Variants in SYT1 observed in about 807,000 individuals in gnomAD.
The protein encoded by SYT1 is synaptotagmin-1.
SYT1 carries 8 observed loss-of-function variants against 44.8 expected under a neutral mutation model. The observed-to-expected ratio is 0.18, with a 90% CI of 0.10 to 0.32. The LOEUF (loss-of-function observed/expected upper bound fraction) is 0.32, where lower values mean the gene tolerates loss of function less well. SYT1 is among the 10% of genes least tolerant of loss of function. The pLI, the probability that SYT1 is intolerant of heterozygous loss-of-function variation, is 1.00. For synonymous variants in SYT1, 154 were observed against 188.8 expected (o/e 0.82, Z 1.51); for missense variants, 286 against 509.3 (o/e 0.56, Z 4.22).
intron 4 of SYT1, among the ~76,000 whole-genome samples, chr12:79,239,960 G>A (rs1280595376): frequency 2.0e-5 from 3 of 152,192 alleles, no homozygotes. Flanking sequence ...TTAAGGGCTT[G>A]CAACTGGGCT....
rs140194603 is a variant in SYT1 at position 79,246,453 on chromosome 12, C to T, written c.166+28768C>T. Among the ~76,000 whole-genome samples the T allele has an allele frequency of 2.0e-3, 299 of 152,108 alleles. 2 individuals are homozygous for T. Among genetic ancestry groups the T allele is most frequent in the Non-Finnish European group, 3.6e-3 (242 of 68,006 alleles). On this transcript the variant is annotated intron_variant, in intron 4 of 10. Coordinates refer to ENST00000261205, the MANE Select transcript of SYT1 (RefSeq NM_005639.3). Reference sequence around the variant, plus strand: ...TCCTGCCGCTATAACAAAATATGTGCGACTGGATAATTTTTAAAGAACATG... The same window carrying T: ...TCCTGCCGCTATAACAAAATATGTGTGACTGGATAATTTTTAAAGAACATG...
chr12:79,230,245 A>G (rs1875791535), intron 4 of SYT1, among the ~76,000 whole-genome samples: 1 of 152,200 alleles, frequency 6.6e-6, no homozygotes, highest in Admixed American at 6.5e-5. Context: ...CCTAGCCTTT[A>G]ATCTCCAATT....
chr12:79,337,099 T>A (rs1461641581), intron 8 of SYT1, among the ~76,000 whole-genome samples: 1 of 151,982 alleles, frequency 6.6e-6, no homozygotes, highest in Non-Finnish European at 1.5e-5. Context: ...ACCCCTTGGC[T>A]CACAGATAGA....
chr12:79,448,928 T>C lies in SYT1; in HGVS notation c.1073T>C (p.Val358Ala). ...VPFEQIQKVQ[V>A]VVTVLDYDKI... ...CATGGCTTCTTTCAGAAAGTGCAGG[T>C]GGTGGTAACTGTTTTGGACTATGAC... Residue 358 changes from valine (V) to alanine (A), a missense_variant, in exon 11 of 11, where the codon GTG becomes GCG. By Grantham distance (64) the Val-to-Ala change is moderately conservative (BLOSUM62 0). Transcript: ENST00000261205. 1.2e-6 allele frequency: 2 copies of C among 1,614,114 alleles called. No homozygotes were observed. Among genetic ancestry groups the C allele is most frequent in the Non-Finnish European group, 1.7e-6 (2 of 1,179,978 alleles).
intron 3 of SYT1, among the ~76,000 whole-genome samples, chr12:79,208,898 T>C (rs1874279214): frequency 1.3e-5 from 2 of 151,436 alleles, no homozygotes; most frequent in Non-Finnish European, 3.0e-5. Context: ...GCATACTCTT[T>C]AAAAAAAAAT....
Position 79,122,107 on chromosome 12 carries a change from C to A in SYT1, c.-18+74745C>A, listed in dbSNP as rs538271285. 5.3e-5 allele frequency among the ~76,000 whole-genome samples: 8 copies of A among 152,314 alleles called. No homozygotes were observed. The East Asian group carries it at 1.5e-3, about 29-fold the overall frequency. Reference sequence around the variant, plus strand: ...TTATAAGAGTCTTCAAATTATAAATCTTTAGCACATCTTGAGTAAACTCTC... The same window carrying A: ...TTATAAGAGTCTTCAAATTATAAATATTTAGCACATCTTGAGTAAACTCTC... On this transcript the variant is annotated intron_variant, in intron 3 of 10. Transcript: ENST00000261205.
intron 8 of SYT1, among the ~76,000 whole-genome samples, chr12:79,352,796 A>G (rs576205554): frequency 1.3e-5 from 2 of 152,300 alleles, no homozygotes; most frequent in South Asian, 4.1e-4. Flanking sequence ...CTTTGGGCCT[A>G]AAGTATGGTT....
intron 1 of SYT1, chr12:78,926,774 C>T (rs1193277627): frequency 1.3e-5 from 2 of 152,040 alleles, no homozygotes; most frequent in Non-Finnish European, 2.9e-5. Flanking sequence ...TTTAGATATA[C>T]TCCCTATATT....
At chr12:79,129,160 C>T (rs1284445970) in intron 3 of SYT1, among the ~76,000 whole-genome samples, 2 of 152,076 alleles carry the variant, frequency 1.3e-5, no homozygotes, top group Non-Finnish European at 2.9e-5. Context: ...AACCAAAGGA[C>T]TGCAATAATT....
intron 3 of SYT1, among the ~76,000 whole-genome samples, chr12:79,166,097 A>C (rs1295454810): frequency 2.0e-5 from 3 of 152,010 alleles, no homozygotes; most frequent in African/African-American, 7.2e-5. Flanking sequence ...TGATTATTCA[A>C]AACGTGGAAC....
chr12:78,936,498 T>C (rs1343456267), intron 1 of SYT1, among the ~76,000 whole-genome samples: 2 of 152,206 alleles, frequency 1.3e-5, no homozygotes, highest in African/African-American at 4.8e-5. Context: ...GCCTTGTAGG[T>C]ATGCCTGTTT....
intron 4 of SYT1, among the ~76,000 whole-genome samples, chr12:79,275,114 G>C (rs1878641325): frequency 6.6e-6 from 1 of 152,080 alleles, no homozygotes; most frequent in Non-Finnish European, 1.5e-5. Flanking sequence ...ACCACACCAA[G>C]GGAGCACCCC....
chr12:79,053,445 C>A (rs1252010414), intron 3 of SYT1, among the ~76,000 whole-genome samples: 2 of 151,788 alleles, frequency 1.3e-5, no homozygotes, highest in Non-Finnish European at 2.9e-5. Context: ...CAACACGGCA[C>A]ATGTATACAT....
intron 9 of SYT1, among the ~76,000 whole-genome samples, chr12:79,364,220 A>G (rs1266269180): frequency 6.6e-6 from 1 of 151,390 alleles, no homozygotes; most frequent in Non-Finnish European, 1.5e-5. Flanking sequence ...TCCTTCCTTC[A>G]TTTCCCCCCT....
At chr12:79,355,056 G>A (rs980557643) in intron 9 of SYT1, among the ~76,000 whole-genome samples, 1 of 151,998 alleles carries the variant, frequency 6.6e-6, no homozygotes, top group African/African-American at 2.4e-5. Context: ...TCCCAGAAAT[G>A]AGTTCCCATC....
intron 4 of SYT1, among the ~76,000 whole-genome samples, chr12:79,275,985 C>T (rs1878694034): frequency 6.6e-6 from 1 of 152,146 alleles, no homozygotes; most frequent in South Asian, 2.1e-4. Flanking sequence ...CATACAGAGT[C>T]TTTGACATGG....
rs539306671 is a variant in SYT1 at position 78,990,903 on chromosome 12, G to A, written c.-84+12972G>A. 7.7e-4 allele frequency among the ~76,000 whole-genome samples: 117 copies of A among 152,252 alleles called. 1 individual carries two copies. The highest frequency in any genetic ancestry group is 2.7e-3 in the African/African-American group (112 of 41,562). ...TGTCAAAGAGAAATACGAAAGGCAAGGGATGGTGCTACTTTGACAAGTACA... is the reference window on the plus strand; with the variant it reads ...TGTCAAAGAGAAATACGAAAGGCAAAGGATGGTGCTACTTTGACAAGTACA... On this transcript the variant is annotated intron_variant, in intron 2 of 10. Coordinates refer to ENST00000261205, the MANE Select transcript of SYT1 (RefSeq NM_005639.3).
At chr12:79,377,843 G>A (rs1884063257) in intron 9 of SYT1, among the ~76,000 whole-genome samples, 1 of 152,162 alleles carries the variant, frequency 6.6e-6, no homozygotes, top group African/African-American at 2.4e-5. Context: ...CTTGGTTAGG[G>A]ACATATTAAG....
chr12:79,016,891 T>C (rs1364298676), intron 2 of SYT1, among the ~76,000 whole-genome samples: 1 of 152,164 alleles, frequency 6.6e-6, no homozygotes, highest in Admixed American at 6.6e-5. Context: ...AAGGCCACCA[T>C]AAATCCACTC....
Sources: allele counts gnomAD v4.1 joint callset (sites outside exome capture counted in the v4.1 genomes callset), GRCh38; gene constraint gnomAD v4.1.1; transcripts MANE v1.5; gene names NCBI Gene and HGNC (gene_info 2026-07-23, HGNC 2026-07-21).